The following GRM4 variants were observed in gnomAD, a reference collection of about 807,000 sequenced individuals.
GRM4 encodes metabotropic glutamate receptor 4.
Under a neutral mutation model 81.7 loss-of-function variants are expected in GRM4, and 28 were observed. The observed-to-expected ratio is 0.34, with a 90% CI of 0.25 to 0.47. GRM4 has a LOEUF of 0.47. GRM4 is among the 20% of genes least tolerant of loss of function. The probability of loss-of-function intolerance (pLI) is 1.00; values close to 1 mark genes in which losing one functional copy is unlikely to be tolerated. For synonymous variants in GRM4, 488 were observed against 528.8 expected (o/e 0.92, Z 1.06); for missense variants, 948 against 1,290.0 (o/e 0.73, Z 4.06).
At chr6:34,081,619 A>C (rs1483211848) in intron 3 of GRM4, among the ~76,000 whole-genome samples, 1 of 152,220 alleles carries the variant, frequency 6.6e-6, no homozygotes, top group Non-Finnish European at 1.5e-5. Context: ...TGAATCATGT[A>C]CGGCCATACA....
chr6:34,054,738 A>G (rs4713735), intron 6 of GRM4: 37,327 of 151,814 alleles, frequency 0.25, 5,334 homozygotes, highest in African/African-American at 0.39. Flanking sequence ...TCTTGCCACC[A>G]CTTCCAGTCT....
chr6:34,081,803 G>A (rs979428372), intron 3 of GRM4, among the ~76,000 whole-genome samples: 4 of 152,230 alleles, frequency 2.6e-5, no homozygotes, highest in Non-Finnish European at 5.9e-5. Flanking sequence ...AAAGGCAGCT[G>A]GGGCTTATCT....
At chr6:34,081,561 A>T (rs1767594034) in intron 3 of GRM4, among the ~76,000 whole-genome samples, 1 of 152,240 alleles carries the variant, frequency 6.6e-6, no homozygotes, top group Admixed American at 6.5e-5. Context: ...GAAGGCACAC[A>T]GTCCCTTTTT....
At chr6:34,109,462 G>A (rs956201922) in intron 2 of GRM4, among the ~76,000 whole-genome samples, 1 of 152,078 alleles carries the variant, frequency 6.6e-6, no homozygotes, top group African/African-American at 2.4e-5. Flanking sequence ...CTGCAGAGGG[G>A]CCACCCACCC....
intron 5 of GRM4, among the ~76,000 whole-genome samples, chr6:34,058,513 C>T (rs1447324048): frequency 6.6e-6 from 1 of 152,164 alleles, no homozygotes; most frequent in Non-Finnish European, 1.5e-5. Flanking sequence ...GAACGTCACA[C>T]CTCACTCTCT....
chr6:34,040,093 C>A, intron 8 of GRM4, 85 bp downstream of exon 8: 1 of 1,359,622 alleles, frequency 7.4e-7, no homozygotes, highest in Non-Finnish European at 1.0e-6. Flanking sequence ...CAGGGCTAAT[C>A]AGCAGCAGCC....
rs983955819 is a variant in GRM4 at position 34,019,042 on chromosome 6, A to T, written c.*3779T>A. The T allele has an allele frequency of 1.3e-5, 2 of 152,310 alleles. No individual in the cohort carries two copies. Among genetic ancestry groups the T allele is most frequent in the Non-Finnish European group, 2.9e-5 (2 of 68,122 alleles). The allele number at this position is 152,310 out of a possible 1,614,324, so 9.4% of individuals were successfully genotyped here. A position where few individuals can be genotyped will look rare whatever the true frequency, so the allele number is the denominator to read the frequency against. On this transcript the variant is annotated 3_prime_UTR_variant, in exon 11 of 11. Transcript: ENST00000538487. ...GCGCCCAGCCTTATGCAGGCTCAGC[A>T]TCTTCTCAGGGGCTCCCCAGGACCC...
At chr6:34,151,319 C>G (rs1771040835) in intron 1 of GRM4, among the ~76,000 whole-genome samples, 1 of 152,178 alleles carries the variant, frequency 6.6e-6, no homozygotes, top group South Asian at 2.1e-4. Flanking sequence ...TCCTCCTTCT[C>G]TCTCTTGGTC....
chr6:34,100,164 G>A, intron 2 of GRM4: 1 of 444,652 alleles, frequency 2.2e-6, no homozygotes, highest in Non-Finnish European at 3.0e-6. Flanking sequence ...GCCTGCGAGG[G>A]CCCACCTTGG....
intron 2 of GRM4, among the ~76,000 whole-genome samples, chr6:34,119,986 G>C (rs566287873): frequency 5.8e-4 from 89 of 152,204 alleles, no homozygotes; most frequent in Admixed American, 9.2e-4. Context: ...GGAAGGGTGC[G>C]CAGGGAATAA....
intron 5 of GRM4, among the ~76,000 whole-genome samples, chr6:34,058,449 C>A (rs1180684774): frequency 6.6e-6 from 1 of 152,158 alleles, no homozygotes; most frequent in African/African-American, 2.4e-5. Context: ...GCCCAGGGAG[C>A]CTTCTCCCCA....
At chr6:34,091,711 G>C in intron 3 of GRM4, 172 bp downstream of exon 3, 1 of 602,476 alleles carries the variant, frequency 1.7e-6, no homozygotes, top group South Asian at 2.0e-5. Context: ...CCAGAGCCCA[G>C]TGAGGCCATG....
chr6:34,046,070 G>A (rs1049592055), intron 6 of GRM4, among the ~76,000 whole-genome samples: 1 of 151,962 alleles, frequency 6.6e-6, no homozygotes, highest in African/African-American at 2.4e-5. Context: ...AGTCCTTCTC[G>A]TCTCCCCCCT....
intron 2 of GRM4, among the ~76,000 whole-genome samples, chr6:34,109,340 C>G: frequency 6.6e-6 from 1 of 151,782 alleles, no homozygotes; most frequent in East Asian, 1.9e-4. Flanking sequence ...CTGTCCCACC[C>G]ACCCAGGCCC....
intron 3 of GRM4, among the ~76,000 whole-genome samples, chr6:34,067,142 A>G (rs1226557329): frequency 6.6e-6 from 1 of 152,028 alleles, no homozygotes; most frequent in Non-Finnish European, 1.5e-5. Flanking sequence ...AGGCATCCCC[A>G]CGTGAACATG....
rs894603640 is a variant in GRM4 at position 34,091,724 on chromosome 6, C to G, written c.736+159G>C. On this transcript the variant is annotated intron_variant, in intron 3 of 10. Transcript: ENST00000538487. Reference sequence around the variant, plus strand: ...ACCCAGAGCCCAGTGAGGCCATGGACCAAACCACAGTGCTCAAAGAAGAGG... The same window carrying G: ...ACCCAGAGCCCAGTGAGGCCATGGAGCAAACCACAGTGCTCAAAGAAGAGG... 6.5e-6 allele frequency: 4 copies of G among 617,768 alleles called. No individual in the cohort carries two copies. The African/African-American group carries it at 7.3e-5, about 11-fold the overall frequency. 38.3% of individuals were successfully genotyped at this position (617,768 alleles called of 1,614,324 possible). A position where few individuals can be genotyped will look rare whatever the true frequency, so the allele number is the denominator to read the frequency against.
At chr6:34,044,781 C>T (rs1466130894) in intron 6 of GRM4, among the ~76,000 whole-genome samples, 2 of 147,862 alleles carry the variant, frequency 1.4e-5, no homozygotes, top group African/African-American at 2.6e-5. Context: ...CATACACATA[C>T]ACACACAGAC....
intron 5 of GRM4, among the ~76,000 whole-genome samples, chr6:34,058,575 G>A (rs1766019572): frequency 6.6e-6 from 1 of 152,144 alleles, no homozygotes; most frequent in Admixed American, 6.5e-5. Context: ...TGTGGGTTCT[G>A]CCCTGAGAGG....
intron 9 of GRM4, among the ~76,000 whole-genome samples, chr6:34,031,030 C>G (rs1238535694): frequency 1.3e-5 from 2 of 152,212 alleles, no homozygotes; most frequent in Non-Finnish European, 2.9e-5. Flanking sequence ...GACATTGTTT[C>G]TGGAGCCCCC....
Sources: gnomAD v4.1 joint callset for allele counts (sites outside exome capture counted in the v4.1 genomes callset) on GRCh38, gnomAD v4.1.1 for gene constraint, MANE v1.5 for transcripts, NCBI Gene and HGNC (gene_info 2026-07-23, HGNC 2026-07-21) for gene names.